CAMK1D: variants seen among roughly 807,000 people sequenced by gnomAD.
CAMK1D encodes calcium/calmodulin dependent protein kinase ID.
Under a neutral mutation model 47.7 loss-of-function variants are expected in CAMK1D, and 9 were observed. That is an observed-to-expected ratio of 0.19 (90% confidence interval 0.11 to 0.33). The LOEUF is 0.33. CAMK1D is among the 10% of genes least tolerant of loss of function. The pLI, the probability that CAMK1D is intolerant of heterozygous loss-of-function variation, is 1.00. For missense variants in CAMK1D, 291 were observed against 488.7 expected (o/e 0.60, Z 3.81); for synonymous variants, 184 against 184.9 (o/e 0.99, Z 0.04).
chr10:12,454,639 T>C (rs1265177765), intron 1 of CAMK1D, among the ~76,000 whole-genome samples: 1 of 152,014 alleles, frequency 6.6e-6, no homozygotes, highest in Non-Finnish European at 1.5e-5. Flanking sequence ...ATTTTAAAAT[T>C]TTTTGTAGAG....
intron 2 of CAMK1D, among the ~76,000 whole-genome samples, chr10:12,567,541 C>T (rs60025203): frequency 0.12 from 17,922 of 152,184 alleles, 1,764 homozygotes; most frequent in African/African-American, 0.27. Flanking sequence ...TACAGGTGTA[C>T]GCACATTTTT....
chr10:12,767,630 G>A (rs1054109456), intron 4 of CAMK1D, among the ~76,000 whole-genome samples: 1 of 152,226 alleles, frequency 6.6e-6, no homozygotes, highest in African/African-American at 2.4e-5. Flanking sequence ...ATCAGTATGT[G>A]TAAGATGTAC....
At chr10:12,391,225 C>T (rs766474994) in intron 1 of CAMK1D, among the ~76,000 whole-genome samples, 8 of 152,040 alleles carry the variant, frequency 5.3e-5, no homozygotes, top group Non-Finnish European at 8.8e-5. Context: ...ACTTCAAGCT[C>T]GTGTGGGGCC....
intron 2 of CAMK1D, among the ~76,000 whole-genome samples, chr10:12,554,377 ACTCCTGAC>A (rs1318877252): frequency 3.9e-5 from 5 of 129,144 alleles, no homozygotes; most frequent in Admixed American, 3.8e-4. Flanking sequence ...CTGGTCTTGA[ACTCCTGAC>A]CTCAGGTGAT....
intron 3 of CAMK1D, among the ~76,000 whole-genome samples, chr10:12,717,059 G>A (rs1834172185): frequency 6.6e-6 from 1 of 152,244 alleles, no homozygotes; most frequent in Non-Finnish European, 1.5e-5. Flanking sequence ...GAGTAGTCCA[G>A]TGATAATGTA....
chr10:12,370,346 T>C (rs868735832), intron 1 of CAMK1D, among the ~76,000 whole-genome samples: 1 of 152,132 alleles, frequency 6.6e-6, no homozygotes, highest in Non-Finnish European at 1.5e-5. Flanking sequence ...ATGATGTTAC[T>C]GGTTTATGTA....
intron 3 of CAMK1D, among the ~76,000 whole-genome samples, chr10:12,748,237 A>T (rs1339675709): frequency 6.6e-6 from 1 of 152,222 alleles, no homozygotes; most frequent in Admixed American, 6.5e-5. Context: ...TGTCTTTCAG[A>T]ATAGTCTCAA....
intron 5 of CAMK1D, among the ~76,000 whole-genome samples, chr10:12,779,798 CA>C (rs1312657479): frequency 2.8e-5 from 4 of 142,982 alleles, no homozygotes; most frequent in African/African-American, 1.0e-4. Flanking sequence ...GTGGAGTGCA[CA>C]ACCACAGCCA....
intron 3 of CAMK1D, among the ~76,000 whole-genome samples, chr10:12,749,684 A>G (rs1183173265): frequency 2.0e-5 from 3 of 151,928 alleles, no homozygotes; most frequent in Non-Finnish European, 4.4e-5. Context: ...TCAGCCTCCC[A>G]AGTAGCTGGG....
intron 3 of CAMK1D, among the ~76,000 whole-genome samples, chr10:12,687,340 G>GC (rs1386445632): frequency 6.6e-6 from 1 of 151,398 alleles, no homozygotes; most frequent in Non-Finnish European, 1.5e-5. Flanking sequence ...CCTGCGTTGT[G>GC]CCCCAAAACC....
chr10:12,466,652 T>A (rs1833600527), intron 1 of CAMK1D, among the ~76,000 whole-genome samples: 1 of 151,104 alleles, frequency 6.6e-6, no homozygotes, highest in Non-Finnish European at 1.5e-5. Flanking sequence ...TATTTGTAAG[T>A]AACAGATGAG....
chr10:12,486,170 T>G (rs1396569831), intron 1 of CAMK1D, among the ~76,000 whole-genome samples: 1 of 151,612 alleles, frequency 6.6e-6, no homozygotes. Context: ...TCTCTTTTTT[T>G]TTTTTTGAGA....
At chr10:12,773,244 C>T (rs1837123173) in intron 5 of CAMK1D, among the ~76,000 whole-genome samples, 1 of 152,196 alleles carries the variant, frequency 6.6e-6, no homozygotes, top group South Asian at 2.1e-4. Context: ...CTTCCATTCA[C>T]TCAGCATGCA....
intron 1 of CAMK1D, among the ~76,000 whole-genome samples, chr10:12,397,359 G>A (rs1403874355): frequency 6.6e-6 from 1 of 152,116 alleles, no homozygotes; most frequent in Non-Finnish European, 1.5e-5. Flanking sequence ...TTCTAAGGTA[G>A]CCCTGCTGAG....
intron 2 of CAMK1D, among the ~76,000 whole-genome samples, chr10:12,617,548 T>C (rs1838860945): frequency 6.6e-6 from 1 of 152,198 alleles, no homozygotes; most frequent in South Asian, 2.1e-4. Context: ...GCAGTTTGTA[T>C]TTTCTGCTTT....
At chr10:12,780,043 G>T (rs1837424198) in intron 5 of CAMK1D, among the ~76,000 whole-genome samples, 1 of 152,082 alleles carries the variant, frequency 6.6e-6, no homozygotes, top group African/African-American at 2.4e-5. Context: ...GCCTAAAATA[G>T]TTTAAACGTG....
rs575047361 is a variant in CAMK1D, at chr10:12,831,241, A to G, written c.*2354A>G. On this transcript the variant is annotated 3_prime_UTR_variant, in exon 11 of 11. Coordinates refer to ENST00000619168, the MANE Select transcript of CAMK1D (RefSeq NM_153498.4). ...AAGTGTCACCTGAGTTGGCCATGCA[A>G]TGAATGAATATTATAAGCAGTATTG... is the stretch of plus-strand genomic sequence containing the variant. 2 of 152,360 alleles carry G rather than the reference A, an allele frequency of 1.3e-5. No homozygotes were observed. The highest frequency in any genetic ancestry group is 3.9e-4 in the East Asian group (2 of 5,186). The allele number at this position is 152,360 out of a possible 1,614,324, so 9.4% of individuals were successfully genotyped here. A position where few individuals can be genotyped will look rare whatever the true frequency, so the allele number is the denominator to read the frequency against.
At chr10:12,576,826 G>A (rs545360854) in intron 2 of CAMK1D, among the ~76,000 whole-genome samples, 73 of 152,230 alleles carry the variant, frequency 4.8e-4, no homozygotes, top group African/African-American at 1.7e-3. Flanking sequence ...CTAGAGCTTT[G>A]TAGACAAATC....
intron 1 of CAMK1D, among the ~76,000 whole-genome samples, chr10:12,522,771 C>T (rs1271072823): frequency 3.4e-5 from 5 of 148,556 alleles, no homozygotes; most frequent in South Asian, 2.2e-4. Flanking sequence ...CCAGAAGGGG[C>T]GGCCGGGCAG....
Sources: gnomAD v4.1 joint callset for allele counts (sites outside exome capture counted in the v4.1 genomes callset) on GRCh38, gnomAD v4.1.1 for gene constraint, MANE v1.5 for transcripts, NCBI Gene and HGNC (gene_info 2026-07-23, HGNC 2026-07-21) for gene names.